Variants in ZFYVE27 observed in about 807,000 individuals in gnomAD.
The protein encoded by ZFYVE27 is zinc finger FYVE-type containing 27.
In ZFYVE27, 36 loss-of-function variants were observed where a neutral mutation model predicts 52.8. The observed-to-expected ratio is 0.68, with a 90% CI of 0.52 to 0.90. ZFYVE27 has a LOEUF of 0.90. Among genes scored for constraint, ZFYVE27 ranks in the 40% least tolerant of loss-of-function variants. The pLI is 0.00. For missense variants in ZFYVE27, 450 were observed against 527.2 expected, an observed-to-expected ratio of 0.85 and a Z score of 1.43; for synonymous variants, 223 against 215.6, an observed-to-expected ratio of 1.03 and a Z score of -0.30.
intron 2 of ZFYVE27, among the ~76,000 whole-genome samples, chr10:97,739,247 A>C (rs2042945951): frequency 6.6e-6 from 1 of 151,752 alleles, no homozygotes; most frequent in South Asian, 2.1e-4. Context: ...AAAAAAAAAA[A>C]AATTGTAGAG....
intron 2 of ZFYVE27, among the ~76,000 whole-genome samples, chr10:97,739,825 C>T (rs2043117362): frequency 6.6e-6 from 1 of 151,738 alleles, no homozygotes; most frequent in Non-Finnish European, 1.5e-5. Context: ...CTGGTTTCTT[C>T]CTTGTGGTGC....
In ZFYVE27 at chr10:97,759,252, G is replaced by A. The variant is rs2049168809; in HGVS notation, c.1188G>A (p.Arg396=). ...CCTTTTCAGCCCCTGAAGCCCAGAG[G>A]GAGACTGTGTTTGTGTGTGCCTCGT... is the stretch of plus-strand genomic sequence containing the variant. ...SMGATAPEAQ[R]ETVFVCASCN... The change falls in exon 13 of 13, where the codon AGG becomes AGA. Residue 396 remains arginine (R), a synonymous_variant. Coordinates refer to ENST00000684270, the MANE Select transcript of ZFYVE27 (RefSeq NM_001385875.1). 1 of 1,614,042 alleles carries A rather than the reference G, an allele frequency of 6.2e-7. No individual in the cohort carries two copies. The highest frequency in any genetic ancestry group is 1.1e-5 in the South Asian group (1 of 91,084).
intron 10 of ZFYVE27, among the ~76,000 whole-genome samples, chr10:97,755,886 G>A (rs1230540088): frequency 1.3e-5 from 2 of 152,208 alleles, no homozygotes; most frequent in Non-Finnish European, 2.9e-5. Context: ...GTGAGGATGG[G>A]TGAGTCCAGG....
In ZFYVE27 at chr10:97,760,664, G is replaced by C. The variant is rs2049327666; in HGVS notation, c.*1364G>C. 1 of 152,256 alleles carries C rather than the reference G, an allele frequency of 6.6e-6. No individual in the cohort carries two copies. The highest frequency in any genetic ancestry group is 2.1e-4 in the South Asian group (1 of 4,830). The allele number at this position is 152,256 out of a possible 1,614,324, so 9.4% of individuals were successfully genotyped here. On this transcript the variant is annotated 3_prime_UTR_variant, in exon 13 of 13. Transcript: ENST00000684270. Reference sequence around the variant, plus strand: ...TGGGGAGGCAAGGGACCCATCCTAGGCCCGCTTTCTTGCCGAGCCAAGCAG... The same window carrying C: ...TGGGGAGGCAAGGGACCCATCCTAGCCCCGCTTTCTTGCCGAGCCAAGCAG...
At chr10:97,750,249 A>G (rs1409673650) in intron 6 of ZFYVE27, 82 bp from the exon 7 acceptor site, 22 of 1,556,216 alleles carry the variant, frequency 1.4e-5, no homozygotes, top group Non-Finnish European at 1.8e-5. Flanking sequence ...GAGGCCAGCC[A>G]GCTGCAGAAG....
At chr10:97,757,092 C>T (rs553955651) in intron 10 of ZFYVE27, 173 bp from the exon 11 acceptor site, 38 of 780,252 alleles carry the variant, frequency 4.9e-5, no homozygotes, top group Non-Finnish European at 8.0e-5. Context: ...TATCAGTCTT[C>T]TTAGTTTGAG....
At position 97,749,537 on chromosome 10, in the gene ZFYVE27, C is replaced by T. The variant is rs1392054457; in HGVS notation, c.615C>T (p.Leu205=). ...MLYLLPLCWV[L]TLLNSTLFLG... ...ATTTGCTGCCACTCTGCTGGGTTCT[C>T]ACCCTTTTAAACAGCACGCTCTTTC... The change falls in exon 6 of 13, where the codon CTC becomes CTT. Residue 205 remains leucine (L), a synonymous_variant. Coordinates refer to ENST00000684270, the MANE Select transcript of ZFYVE27 (RefSeq NM_001385875.1). 6.8e-6 allele frequency: 11 copies of T among 1,614,090 alleles called. No homozygotes were observed. The highest frequency in any genetic ancestry group is 9.3e-6 in the Non-Finnish European group (11 of 1,180,044).
intron 10 of ZFYVE27, among the ~76,000 whole-genome samples, 156 bp downstream of exon 10, chr10:97,753,338 G>A (rs1218179981): frequency 6.6e-6 from 1 of 152,132 alleles, no homozygotes; most frequent in South Asian, 2.1e-4. Context: ...GGGACCCCGG[G>A]GAGCTAGCAG....
intron 12 of ZFYVE27, chr10:97,758,169 A>G (rs2048872746): frequency 6.5e-6 from 1 of 154,886 alleles, no homozygotes; most frequent in South Asian, 2.0e-4. Context: ...CAGATAAGCA[A>G]AAGGAAAAAA....
chr10:97,750,265 AC>A (rs1299580462), intron 6 of ZFYVE27, 65 bp from the exon 7 acceptor site: 2 of 1,595,030 alleles, frequency 1.3e-6, no homozygotes, highest in African/African-American at 2.7e-5. Context: ...AGAAGTGGGT[AC>A]CCCTAAAGTG....
chr10:97,738,553 C>A lies in ZFYVE27; in HGVS notation c.76C>A (p.Pro26Thr). The A allele has an allele frequency of 6.2e-7, 1 of 1,614,162 alleles. No homozygotes were observed. The highest frequency in any genetic ancestry group is 8.5e-7 in the Non-Finnish European group (1 of 1,180,022). Residue 26 changes from proline (P) to threonine (T), a missense_variant, in exon 2 of 13, where the codon CCA (proline) becomes ACA (threonine). Coordinates refer to ENST00000684270, the MANE Select transcript of ZFYVE27 (RefSeq NM_001385875.1). ...GATGCCCGAGGCTCCCCTGGAGTCT[C>A]CACCTTTTCCTACCAAGTCCCCAGC... ...SVMPEAPLES[P>T]PFPTKSPAFD...
At chr10:97,751,259 T>G (rs1420573811) in intron 7 of ZFYVE27, 132 bp from the exon 8 acceptor site, 1 of 1,010,474 alleles carries the variant, frequency 9.9e-7, no homozygotes, top group African/African-American at 1.6e-5. Context: ...TCCTGTGAGT[T>G]CCTTCTTTCT....
intron 7 of ZFYVE27, 135 bp downstream of exon 7, chr10:97,750,605 C>T (rs2046678970): frequency 8.6e-7 from 1 of 1,159,448 alleles, no homozygotes; most frequent in South Asian, 1.4e-5. Context: ...CTGAAGTGTT[C>T]AATAATAATA....
At chr10:97,742,276 C>T (rs1013394779) in intron 2 of ZFYVE27, among the ~76,000 whole-genome samples, 1 of 151,970 alleles carries the variant, frequency 6.6e-6, no homozygotes, top group Non-Finnish European at 1.5e-5. Flanking sequence ...TTCATTGTTG[C>T]ATCTGTGCTC....
rs764455738 is a variant in ZFYVE27, at chr10:97,750,465, A to T, written c.799A>T (p.Thr267Ser). 4 of 1,613,932 alleles carry T rather than the reference A, an allele frequency of 2.5e-6. No individual in the cohort carries two copies. Among genetic ancestry groups the T allele is most frequent in the Non-Finnish European group, 3.4e-6 (4 of 1,180,028 alleles). ...GGACAGCACGCCTGCCCTCACACCCACGGAGGTAAGTGCCACTGTCAGGGC... is the reference window on the plus strand; with the variant it reads ...GGACAGCACGCCTGCCCTCACACCCTCGGAGGTAAGTGCCACTGTCAGGGC... ...LMDSTPALTPTEDLTPGSVEE... is the reference protein window; with the variant it reads ...LMDSTPALTPSEDLTPGSVEE... Residue 267 changes from threonine to serine, a missense_variant, in exon 7 of 13, where the codon ACG (threonine) becomes TCG (serine). Coordinates refer to ENST00000684270, the MANE Select transcript of ZFYVE27 (RefSeq NM_001385875.1).
chr10:97,738,682 C>T lies in ZFYVE27; in HGVS notation c.197+8C>T, dbSNP rs2042754738. On this transcript the variant is annotated splice_region_variant and intron_variant, in intron 2 of 12. Transcript: ENST00000684270. ...TGTTCGATACTTGCTCAGGTACAGACTTTGTGGAGTTGCTCTGGTCTGCTC... is the reference window on the plus strand; with the variant it reads ...TGTTCGATACTTGCTCAGGTACAGATTTTGTGGAGTTGCTCTGGTCTGCTC... 4.3e-6 allele frequency: 7 copies of T among 1,614,202 alleles called. No homozygotes were observed. Among genetic ancestry groups the T allele is most frequent in the Non-Finnish European group, 5.9e-6 (7 of 1,180,028 alleles).
At chr10:97,751,779 G>A (rs1590072312) in intron 8 of ZFYVE27, among the ~76,000 whole-genome samples, 1 of 152,152 alleles carries the variant, frequency 6.6e-6, no homozygotes, top group South Asian at 2.1e-4. Flanking sequence ...AGCTTTTGAG[G>A]AGGCTACTGC....
intron 6 of ZFYVE27, 72 bp downstream of exon 6, chr10:97,749,658 C>T (rs1003478968): frequency 1.6e-6 from 2 of 1,212,868 alleles, no homozygotes; most frequent in Admixed American, 3.4e-5. Context: ...CCCAGTTCTT[C>T]TGTCTCTACA....
chr10:97,745,391 C>A (rs562507252), intron 4 of ZFYVE27, among the ~76,000 whole-genome samples: 18 of 151,252 alleles, frequency 1.2e-4, no homozygotes, highest in Non-Finnish European at 2.1e-4. Flanking sequence ...ATGTTTGTCA[C>A]GATGGTCTCG....
Sources: gnomAD v4.1 joint callset for allele counts (sites outside exome capture counted in the v4.1 genomes callset) on GRCh38, gnomAD v4.1.1 for gene constraint, MANE v1.5 for transcripts, NCBI Gene and HGNC (gene_info 2026-07-23, HGNC 2026-07-21) for gene names.